Variants in GPC6 observed in about 807,000 individuals in gnomAD.
The protein encoded by GPC6 is glypican-6.
In GPC6, 14 loss-of-function variants were observed where a neutral mutation model predicts 55.2. That is an observed-to-expected ratio of 0.25 (90% CI 0.17 to 0.40). The LOEUF (loss-of-function observed/expected upper bound fraction) is 0.40, where lower values mean the gene tolerates loss of function less well. Ranked by LOEUF, GPC6 falls within the 10% of genes least tolerant of loss-of-function variation. The probability of loss-of-function intolerance (pLI) is 1.00; values close to 1 mark genes in which losing one functional copy is unlikely to be tolerated. For missense variants in GPC6, 641 were observed against 708.5 expected (o/e 0.90, Z 1.08); for synonymous variants, 278 against 259.6 (o/e 1.07, Z -0.68).
rs200925249 is a variant in GPC6, at chr13:93,227,466, T to A, written c.10T>A (p.Trp4Arg). The A allele has an allele frequency of 1.6e-4, 263 of 1,613,784 alleles. 4 individuals carry two copies. In the East Asian group the frequency reaches 3.8e-3, roughly 24 times the overall value. Residue 4 changes from tryptophan to arginine, a missense_variant, in exon 1 of 9, where the codon TGG becomes AGG. Transcript: ENST00000377047. This position sits in a 1 kb window ranked among gnomAD's most constrained non-coding sequence, Gnocchi z 4.3. ...ATTTGTATGTTGCACCATGCCTTCT[T>A]GGATCGGGGCTGTGATTCTTCCCCT... is the stretch of plus-strand genomic sequence containing the variant. MPS[W>R]IGAVILPLLG...
At chr13:93,553,824 A>C (rs1875298586) in intron 2 of GPC6, among the ~76,000 whole-genome samples, 1 of 151,710 alleles carries the variant, frequency 6.6e-6, no homozygotes, top group Non-Finnish European at 1.5e-5. Flanking sequence ...GAATTTCCAT[A>C]ATAAAGAGAT....
chr13:93,241,440 T>G (rs1057247631), intron 1 of GPC6, among the ~76,000 whole-genome samples: 4 of 152,216 alleles, frequency 2.6e-5, no homozygotes, highest in African/African-American at 7.2e-5. Flanking sequence ...TTGGTAAAAC[T>G]TTTCACTGCA....
At position 93,529,697 on chromosome 13, in the gene GPC6, A is replaced by T. The variant is rs745480051; in HGVS notation, c.161-15566A>T. Among the ~76,000 whole-genome samples the T allele has an allele frequency of 6.0e-4, 91 of 151,640 alleles. 1 individual carries two copies. The highest frequency in any genetic ancestry group is 3.7e-4 in the Non-Finnish European group (25 of 67,916). ...ACGCCCATCTAATTTTTGTATTTTT[A>T]GTAGAGACAGGTTTTTACCACCTGG... On this transcript the variant is annotated intron_variant, in intron 1 of 8. Coordinates refer to ENST00000377047, the MANE Select transcript of GPC6 (RefSeq NM_005708.5).
intron 1 of GPC6, among the ~76,000 whole-genome samples, chr13:93,347,976 G>A (rs868210347): frequency 2.4e-4 from 36 of 152,164 alleles, no homozygotes; most frequent in African/African-American, 7.5e-4. Context: ...CCTTCCCCAA[G>A]TAAAGATCCT....
At chr13:94,209,712 T>C (rs1890016349) in intron 4 of GPC6, among the ~76,000 whole-genome samples, 1 of 152,212 alleles carries the variant, frequency 6.6e-6, no homozygotes, top group African/African-American at 2.4e-5. Flanking sequence ...ATAAATGTCA[T>C]GCATTTTATG....
intron 4 of GPC6, among the ~76,000 whole-genome samples, chr13:94,134,717 T>G (rs76376367): frequency 0.016 from 2,400 of 152,306 alleles, 45 homozygotes; most frequent in East Asian, 0.084. Context: ...GCATTTTTTC[T>G]AAGGTCTTTG....
At chr13:94,184,967 A>C (rs1304365783) in intron 4 of GPC6, among the ~76,000 whole-genome samples, 2 of 152,204 alleles carry the variant, frequency 1.3e-5, no homozygotes, top group Non-Finnish European at 2.9e-5. Flanking sequence ...AACCATAAAA[A>C]AGAATGAAAT....
chr13:93,551,889 T>G (rs187871450), intron 2 of GPC6, among the ~76,000 whole-genome samples: 3 of 152,224 alleles, frequency 2.0e-5, no homozygotes, highest in East Asian at 3.9e-4. Flanking sequence ...CCTAACACAC[T>G]AACAAATACG....
At chr13:93,414,500 T>G (rs1362233785) in intron 1 of GPC6, among the ~76,000 whole-genome samples, 1 of 152,198 alleles carries the variant, frequency 6.6e-6, no homozygotes, top group Non-Finnish European at 1.5e-5. Context: ...GGATGAGGAC[T>G]GTTACTCATC....
rs561422112 is a variant in GPC6, at chr13:93,308,267, A to T, written c.160+80651A>T. Reference sequence around the variant, plus strand: ...GCTACTGCACTCCAGCCTGGGTGACAGAGTGAGACTCCATCTCAGAAAAGA... The same window carrying T: ...GCTACTGCACTCCAGCCTGGGTGACTGAGTGAGACTCCATCTCAGAAAAGA... On this transcript the variant is annotated intron_variant, in intron 1 of 8. Transcript: ENST00000377047. Among the ~76,000 whole-genome samples the T allele has an allele frequency of 7.2e-5, 11 of 152,316 alleles. No homozygotes were observed. The South Asian group carries it at 2.3e-3, about 32-fold the overall frequency.
intron 1 of GPC6, among the ~76,000 whole-genome samples, chr13:93,384,209 C>T (rs1875298593): frequency 6.6e-6 from 1 of 152,028 alleles, no homozygotes; most frequent in Non-Finnish European, 1.5e-5. Context: ...GATATTTATT[C>T]AGATATCTAA....
intron 6 of GPC6, among the ~76,000 whole-genome samples, chr13:94,377,271 GGA>G (rs1879915455): frequency 7.1e-6 from 1 of 140,990 alleles, no homozygotes. Flanking sequence ...CTACAAAATG[GGA>G]GAAAATTTTT....
intron 4 of GPC6, among the ~76,000 whole-genome samples, chr13:94,206,680 C>A (rs1426809804): frequency 6.6e-6 from 1 of 151,906 alleles, no homozygotes; most frequent in African/African-American, 2.4e-5. Flanking sequence ...ATGGAGAGAG[C>A]CCATCTCTAC....
chr13:93,741,664 C>T (rs997503380), intron 2 of GPC6, among the ~76,000 whole-genome samples: 1 of 152,116 alleles, frequency 6.6e-6, no homozygotes, highest in African/African-American at 2.4e-5. Flanking sequence ...TCTATAATTT[C>T]TGTGTCCATC....
chr13:93,393,586 T>C (rs547157794), intron 1 of GPC6, among the ~76,000 whole-genome samples: 1 of 152,262 alleles, frequency 6.6e-6, no homozygotes, highest in East Asian at 1.9e-4. Flanking sequence ...AAATATATGT[T>C]GCATATGTTA....
At chr13:94,192,414 T>C (rs990971201) in intron 4 of GPC6, among the ~76,000 whole-genome samples, 1 of 152,188 alleles carries the variant, frequency 6.6e-6, no homozygotes, top group Non-Finnish European at 1.5e-5. Context: ...CATTTTTATA[T>C]GTCATCAGAA....
intron 2 of GPC6, among the ~76,000 whole-genome samples, chr13:93,649,597 C>G (rs1880324363): frequency 6.6e-6 from 1 of 152,032 alleles, no homozygotes; most frequent in Admixed American, 6.6e-5. Context: ...GATCTTATTC[C>G]CTGCTGTTTA....
chr13:93,918,774 C>T (rs1390962650), intron 3 of GPC6, among the ~76,000 whole-genome samples: 4 of 152,178 alleles, frequency 2.6e-5, no homozygotes, highest in Non-Finnish European at 4.4e-5. Context: ...CAGATGTTCC[C>T]ACCACACATA....
At chr13:93,493,806 G>T (rs1165757211) in intron 1 of GPC6, among the ~76,000 whole-genome samples, 1 of 117,814 alleles carries the variant, frequency 8.5e-6, no homozygotes, top group Non-Finnish European at 1.8e-5. Flanking sequence ...GGAGCAGGTT[G>T]TTCAGTTTCC....
Sources: gnomAD v4.1 joint callset for allele counts (sites outside exome capture counted in the v4.1 genomes callset) on GRCh38, gnomAD v4.1.1 for gene constraint, Gnocchi (gnomAD v3.1) non-coding constraint, MANE v1.5 for transcripts, NCBI Gene and HGNC (gene_info 2026-07-23, HGNC 2026-07-21) for gene names.